Variants in PSG2 observed in about 807,000 individuals in gnomAD.
PSG2 encodes the protein pregnancy specific beta-1-glycoprotein 2, also known as pregnancy-specific beta-1-glycoprotein 2.
Under a neutral mutation model 36.2 loss-of-function variants are expected in PSG2, and 49 were observed. That is an observed-to-expected ratio of 1.35 (90% CI 1.08 to 1.72). The LOEUF (loss-of-function observed/expected upper bound fraction) is 1.72. Among genes scored for constraint, PSG2 ranks in the 40% most tolerant of loss-of-function variants. PSG2 has a pLI of 0.00. For synonymous variants in PSG2, 261 were observed against 155.6 expected (o/e 1.68, Z -5.04); for missense variants, 605 against 407.2 (o/e 1.49, Z -4.18).
Position 43,064,568 on chromosome 19 carries a change from A to C in PSG2, c.*74T>G. The C allele has an allele frequency of 1.5e-6, 1 of 678,594 alleles. No homozygotes were observed. The highest frequency in any genetic ancestry group is 2.8e-6 in the Non-Finnish European group (1 of 362,416). The allele number at this position is 678,594 out of a possible 1,614,324, so 42.0% of individuals were successfully genotyped here. ...TTGAAGTTATCAGGAGCTTGTATTC[A>C]AGAGTCCTTGTAAGAGACCTTTCCA... is the stretch of plus-strand genomic sequence containing the variant. On this transcript the variant is annotated 3_prime_UTR_variant, in exon 6 of 6. Transcript: ENST00000406487.
intron 4 of PSG2, among the ~76,000 whole-genome samples, chr19:43,067,028 C>T (rs890487676): frequency 1.1e-4 from 17 of 151,394 alleles, no homozygotes; most frequent in African/African-American, 3.4e-4. Context: ...TCAAATTCAC[C>T]ACCTCTTGTG....
At position 43,066,908 on chromosome 19, in the gene PSG2, T is replaced by C. The variant is rs531917716; in HGVS notation, c.965-308A>G. Among the ~76,000 whole-genome samples the C allele has an allele frequency of 2.0e-5, 3 of 151,560 alleles. No homozygotes were observed. The East Asian group carries it at 5.8e-4, about 29-fold the overall frequency. ...TTAGAACTTGCCACATTTTCACCTT[T>C]TCATGGTTGCATCTTTTTCTCGGTG... On this transcript the variant is annotated intron_variant, in intron 4 of 5. Transcript: ENST00000406487.
chr19:43,079,496 A>G (rs1304220507), intron 2 of PSG2, among the ~76,000 whole-genome samples: 2 of 150,414 alleles, frequency 1.3e-5, no homozygotes, highest in Non-Finnish European at 2.9e-5. Context: ...CCATTCCTTC[A>G]TTTGTTATGT....
intron 3 of PSG2, among the ~76,000 whole-genome samples, chr19:43,073,502 A>T (rs1967848591): frequency 6.6e-6 from 1 of 151,822 alleles, no homozygotes; most frequent in Non-Finnish European, 1.5e-5. Context: ...TCTGGTCGTC[A>T]TGGACCATGT....
At chr19:43,078,337 G>A (rs1231217304) in intron 2 of PSG2, among the ~76,000 whole-genome samples, 2 of 151,784 alleles carry the variant, frequency 1.3e-5, no homozygotes, top group African/African-American at 4.9e-5. Flanking sequence ...ACCGAATTCT[G>A]CTAAATTGTT....
chr19:43,071,492 C>G (rs111812640), intron 4 of PSG2, among the ~76,000 whole-genome samples: 1 of 151,486 alleles, frequency 6.6e-6, no homozygotes, highest in Non-Finnish European at 1.5e-5. Flanking sequence ...CTTTCTCAGG[C>G]GAGACACAAG....
At chr19:43,077,571 C>G (rs1967914846) in intron 2 of PSG2, among the ~76,000 whole-genome samples, 1 of 151,604 alleles carries the variant, frequency 6.6e-6, no homozygotes, top group Non-Finnish European at 1.5e-5. Context: ...AGAAGAACTC[C>G]AACTTATGAA....
In PSG2 at chr19:43,071,803, A is replaced by ACTT. The variant is rs754714485; in HGVS notation, c.860_861insAAG (p.Phe287delinsLeuSer). The ACTT allele has an allele frequency of 6.2e-7, 1 of 1,613,006 alleles. No homozygotes were observed. The highest frequency in any genetic ancestry group is 1.7e-5 in the Admixed American group (1 of 59,960). Reference sequence around the variant, plus strand: ...TATGCTTTGTAGTAATTTGGGGGATAAACAGATTTTGTCCTGATTGCTGAA... The same window carrying ACTT: ...TATGCTTTGTAGTAATTTGGGGGATACTTAACAGATTTTGTCCTGATTGCTGAA... On this transcript the variant is annotated protein_altering_variant, in exon 4 of 6. Coordinates refer to ENST00000406487, the MANE Select transcript of PSG2 (RefSeq NM_031246.4).
At position 43,072,756 on chromosome 19, in the gene PSG2, G is replaced by A. The variant is rs549600994; in HGVS notation, c.710-802C>T. On this transcript the variant is annotated intron_variant, in intron 3 of 5. Coordinates refer to ENST00000406487, the MANE Select transcript of PSG2 (RefSeq NM_031246.4). ...GAGTCCTTGAAAGCCAATAACTGGT[G>A]TGTGTGTCACAAGACAGATGCATGA... The A allele has an allele frequency of 8.0e-6, 12 of 1,499,914 alleles. 1 individual carries two copies. In the African/African-American group the frequency reaches 1.3e-4, roughly 16 times the overall value. 92.9% of individuals were successfully genotyped at this position (1,499,914 alleles called of 1,614,324 possible).
chr19:43,068,049 A>G (rs916450095), intron 4 of PSG2, among the ~76,000 whole-genome samples: 1 of 151,580 alleles, frequency 6.6e-6, no homozygotes, highest in Admixed American at 6.6e-5. Flanking sequence ...TGAAACCAAA[A>G]GTTGATTCTT....
At chr19:43,073,625 G>A (rs1967850393) in intron 3 of PSG2, among the ~76,000 whole-genome samples, 1 of 151,660 alleles carries the variant, frequency 6.6e-6, no homozygotes, top group Non-Finnish European at 1.5e-5. Flanking sequence ...CCTCATGTAA[G>A]TGGATTCCAG....
chr19:43,072,698 C>T lies in PSG2; in HGVS notation c.710-744G>A. ...GATTCCTCCACAGGCATCCTTCAATCAGAGTTACCATCTCCCACCTCTCAG... is the reference window on the plus strand; with the variant it reads ...GATTCCTCCACAGGCATCCTTCAATTAGAGTTACCATCTCCCACCTCTCAG... On this transcript the variant is annotated intron_variant, in intron 3 of 5. Coordinates refer to ENST00000406487, the MANE Select transcript of PSG2 (RefSeq NM_031246.4). 23 of 1,584,552 alleles carry T rather than the reference C, an allele frequency of 1.5e-5. 2 individuals are homozygous for T. The highest frequency in any genetic ancestry group is 1.8e-5 in the Non-Finnish European group (21 of 1,165,080).
rs368602914 is a variant in PSG2, at chr19:43,080,948, G to A, written c.363C>T (p.Thr121=). The A allele has an allele frequency of 2.4e-5, 38 of 1,612,914 alleles. 2 individuals are homozygous for A. The African/African-American group carries it at 4.4e-4, about 19-fold the overall frequency. ...NVTREDAGSY[T]LHIIKRGDGT... is the part of the protein sequence containing the mutation. ...CATCACCTCGCTTTATGATGTGTAA[G>A]GTGTAGGATCCTGCGTCCTCCCGGG... The change falls in exon 2 of 6, where the codon ACC becomes ACT. Residue 121 remains threonine (T), a synonymous_variant. Coordinates refer to ENST00000406487, the MANE Select transcript of PSG2 (RefSeq NM_031246.4).
Position 43,076,797 on chromosome 19 carries a change from A to G in PSG2, c.431-1165T>C, listed in dbSNP as rs900455111. On this transcript the variant is annotated intron_variant, in intron 2 of 5. Transcript: ENST00000406487. ...CAGATAAAGTGCTCCTTATGCAGAA[A>G]GCTTAAAACAAAGTGTTTTGGATTT... Among the ~76,000 whole-genome samples, 19 of 149,468 alleles carry G rather than the reference A, an allele frequency of 1.3e-4. 1 individual carries two copies. Among genetic ancestry groups the G allele is most frequent in the African/African-American group, 4.8e-4 (19 of 39,362 alleles).
rs376834401 is a variant in PSG2, at chr19:43,071,248, C to T, written c.964+452G>A. 2.0e-5 allele frequency among the ~76,000 whole-genome samples: 3 copies of T among 151,770 alleles called. No homozygotes were observed. The South Asian group carries it at 6.2e-4, about 32-fold the overall frequency. ...GCAGGAAGCAGAGTCTGAGCTGCTC[C>T]TCCCTCACCCAAGGGGCTTCCTCCT... On this transcript the variant is annotated intron_variant, in intron 4 of 5. Transcript: ENST00000406487.
At chr19:43,064,911 A>C (rs1002955365) in intron 5 of PSG2, among the ~76,000 whole-genome samples, 1 of 151,752 alleles carries the variant, frequency 6.6e-6, no homozygotes, top group Non-Finnish European at 1.5e-5. Context: ...AGTTCACTGC[A>C]AGCTCCGCCT....
At position 43,081,206 on chromosome 19, in the gene PSG2, T is replaced by C. The variant is rs1967969049; in HGVS notation, c.105A>G (p.Gln35=). The C allele has an allele frequency of 6.2e-7, 1 of 1,612,540 alleles. No individual in the cohort carries two copies. The highest frequency in any genetic ancestry group is 8.5e-7 in the Non-Finnish European group (1 of 1,179,622). Residue 35 remains glutamine, a synonymous_variant, in exon 2 of 6, where the codon CAA becomes CAG. Coordinates refer to ENST00000406487, the MANE Select transcript of PSG2 (RefSeq NM_031246.4). ...TTGGTGGCTGGGCTTCAATCGTGAC[T>C]TGGGCAGTGGTGGGCAGGTTCCAGA... is the stretch of plus-strand genomic sequence containing the variant. ...LNFWNLPTTA[Q]VTIEAQPPKV...
chr19:43,069,088 T>G (rs1220364393), intron 4 of PSG2, among the ~76,000 whole-genome samples: 1 of 151,330 alleles, frequency 6.6e-6, no homozygotes, highest in Non-Finnish European at 1.5e-5. Context: ...TGAAGGGAAA[T>G]TAGGAAAAAA....
intron 5 of PSG2, among the ~76,000 whole-genome samples, chr19:43,064,839 A>C (rs1863351660): frequency 6.6e-6 from 1 of 151,542 alleles, no homozygotes; most frequent in Admixed American, 6.6e-5. Flanking sequence ...TCATTAAAAA[A>C]ATTTTTTTTT....
Sources: allele counts gnomAD v4.1 joint callset (sites outside exome capture counted in the v4.1 genomes callset), GRCh38; gene constraint gnomAD v4.1.1; transcripts MANE v1.5; gene names NCBI Gene and HGNC (gene_info 2026-07-23, HGNC 2026-07-21).